ABLIM1: variants seen among roughly 807,000 people sequenced by gnomAD.
ABLIM1 encodes actin-binding LIM protein 1.
A neutral mutation model predicts 107.0 loss-of-function variants in ABLIM1; 40 were observed. The observed-to-expected ratio is 0.37, with a 90% confidence interval of 0.29 to 0.49. ABLIM1 has a LOEUF of 0.49. Ranked by LOEUF, ABLIM1 falls within the 20% of genes least tolerant of loss-of-function variation. ABLIM1 has a pLI of 0.97. For missense variants in ABLIM1, 857 were observed against 1,008.5 expected (o/e 0.85, Z 2.04); for synonymous variants, 357 against 357.3 (o/e 1.00, Z 0.01).
upstream of ABLIM1, among the ~76,000 whole-genome samples, chr10:114,662,467 T>C (rs748943722): frequency 3.3e-5 from 5 of 152,122 alleles, no homozygotes; most frequent in Non-Finnish European, 7.4e-5. Context: ...CCGTAAGTCC[T>C]AAAGTTCAGT....
At chr10:114,530,889 T>A (rs1276894218) in intron 6 of ABLIM1, among the ~76,000 whole-genome samples, 1 of 152,180 alleles carries the variant, frequency 6.6e-6, no homozygotes, top group African/African-American at 2.4e-5. Flanking sequence ...GTATGTGAAG[T>A]CTTTAACATT....
intron 10 of ABLIM1, among the ~76,000 whole-genome samples, chr10:114,470,234 C>T (rs1343880004): frequency 2.0e-5 from 3 of 152,016 alleles, no homozygotes; most frequent in Admixed American, 1.3e-4. Context: ...ACCAGCCTGG[C>T]CAACATGGAG....
chr10:114,453,746 A>C (rs2062290583), intron 12 of ABLIM1, among the ~76,000 whole-genome samples: 1 of 152,196 alleles, frequency 6.6e-6, no homozygotes. Context: ...GCATGCATTG[A>C]AAGCTGTGAG....
At chr10:114,671,862 T>C (rs2080269660) in intron 1 of ABLIM1, among the ~76,000 whole-genome samples, 1 of 152,152 alleles carries the variant, frequency 6.6e-6, no homozygotes, top group Non-Finnish European at 1.5e-5. Context: ...TAGGAGTTCC[T>C]TTTTCATATT....
intron 1 of ABLIM1, among the ~76,000 whole-genome samples, chr10:114,701,075 A>G (rs1006665248): frequency 6.6e-6 from 1 of 152,074 alleles, no homozygotes; most frequent in Non-Finnish European, 1.5e-5. Context: ...TTTAAAAAAA[A>G]CTCCTACAAC....
At chr10:114,756,486 C>T (rs61869114) in intron 1 of ABLIM1, among the ~76,000 whole-genome samples, 4,682 of 151,892 alleles carry the variant, frequency 0.031, 109 homozygotes, top group Non-Finnish European at 0.049. Context: ...TCTTTTATGC[C>T]GAGATTTAGG....
At chr10:114,722,891 A>AT (rs890577434) in intron 1 of ABLIM1, among the ~76,000 whole-genome samples, 12 of 150,768 alleles carry the variant, frequency 8.0e-5, no homozygotes, top group South Asian at 2.1e-4. Context: ...AGGCTAGATA[A>AT]TTTTTTTTTT....
At chr10:114,478,982 T>C (rs2056919020) in intron 8 of ABLIM1, among the ~76,000 whole-genome samples, 1 of 152,232 alleles carries the variant, frequency 6.6e-6, no homozygotes, top group Non-Finnish European at 1.5e-5. Context: ...TAAGACAGTG[T>C]AATACAGTGG....
At position 114,569,320 on chromosome 10, in the gene ABLIM1, CT is replaced by C. The variant is rs200276368; in HGVS notation, c.673+1976del. Among the ~76,000 whole-genome samples the C allele has an allele frequency of 1.3e-3, 195 of 145,584 alleles. 1 individual carries two copies. The highest frequency in any genetic ancestry group is 3.6e-3 in the East Asian group (18 of 4,954). On this transcript the variant is annotated intron_variant, in intron 4 of 22. Coordinates refer to ENST00000533213, the MANE Select transcript of ABLIM1 (RefSeq NM_002313.7). ...ATCATAAAAGCCTCTTTTTCTTTTT[CT>C]TTTTTTTTTTTCTTTGAGATGGAGT...
At chr10:114,739,379 A>T (rs1047052540) in intron 1 of ABLIM1, among the ~76,000 whole-genome samples, 9 of 152,242 alleles carry the variant, frequency 5.9e-5, no homozygotes, top group African/African-American at 1.7e-4. Flanking sequence ...CAGGGTTGAT[A>T]GAACAAGAAG....
chr10:114,736,025 G>A (rs534793152), intron 1 of ABLIM1, among the ~76,000 whole-genome samples: 1 of 152,220 alleles, frequency 6.6e-6, no homozygotes, highest in South Asian at 2.1e-4. Context: ...ACCATTTGTG[G>A]AGCAATATGA....
intron 12 of ABLIM1, chr10:114,463,152 G>C (rs1565379228): frequency 7.7e-7 from 1 of 1,304,198 alleles, no homozygotes; most frequent in Admixed American, 2.3e-5. Context: ...CTGCACACCA[G>C]GAGACAAAAG....
At chr10:114,524,133 C>A (rs868138803) in intron 6 of ABLIM1, among the ~76,000 whole-genome samples, 1 of 152,174 alleles carries the variant, frequency 6.6e-6, no homozygotes, top group Non-Finnish European at 1.5e-5. Flanking sequence ...CAATGCTAAG[C>A]ACCACTAAGC....
At chr10:114,513,771 A>G (rs559806086) in intron 6 of ABLIM1, among the ~76,000 whole-genome samples, 5 of 152,222 alleles carry the variant, frequency 3.3e-5, no homozygotes, top group South Asian at 2.1e-4. Context: ...CGATTTTTCC[A>G]TGAAAGGTGT....
exon 1 of ABLIM1, chr10:114,684,570 TAC>T: frequency 7.4e-7 from 1 of 1,348,496 alleles, no homozygotes; most frequent in Non-Finnish European, 9.5e-7. Flanking sequence ...CTTCCTCATG[TAC>T]AGATTCTGCA....
chr10:114,606,437 T>C (rs908348248), intron 1 of ABLIM1, among the ~76,000 whole-genome samples: 8 of 152,104 alleles, frequency 5.3e-5, no homozygotes, highest in Non-Finnish European at 1.0e-4. Context: ...AGTTTCCCCA[T>C]GTTGGCCAGG....
intron 15 of ABLIM1, 43 bp from the exon 16 acceptor site, chr10:114,445,446 C>T: frequency 1.3e-6 from 2 of 1,540,742 alleles, no homozygotes; most frequent in Non-Finnish European, 1.8e-6. Flanking sequence ...AGCCCCAAGA[C>T]AAGGGAATCT....
chr10:114,525,831 T>G (rs1392281520), intron 6 of ABLIM1, among the ~76,000 whole-genome samples: 1 of 152,134 alleles, frequency 6.6e-6, no homozygotes, highest in Middle Eastern at 3.2e-3. Flanking sequence ...CAAACTCACG[T>G]TTTCTTTTTT....
chr10:114,775,773 A>G, the ABLIM1 span, among the ~76,000 whole-genome samples: 1 of 152,224 alleles, frequency 6.6e-6, no homozygotes, highest in East Asian at 1.9e-4. Flanking sequence ...TAAGGCATGA[A>G]ACATTTTTCT....
Sources: allele counts gnomAD v4.1 joint callset (sites outside exome capture counted in the v4.1 genomes callset), GRCh38; gene constraint gnomAD v4.1.1; transcripts MANE v1.5; gene names NCBI Gene and HGNC (gene_info 2026-07-23, HGNC 2026-07-21).